Variants in COCH observed in about 807,000 individuals in gnomAD.
COCH encodes coagulation factor C homolog, cochlin (Limulus polyphemus).
COCH carries 40 observed loss-of-function variants against 54.8 expected under a neutral mutation model. The observed-to-expected ratio is 0.73, with a 90% confidence interval of 0.57 to 0.95. The LOEUF (loss-of-function observed/expected upper bound fraction) is 0.95, where lower values mean the gene tolerates loss of function less well. Among genes scored for constraint, COCH ranks in the 40% least tolerant of loss-of-function variants. The probability of loss-of-function intolerance (pLI) is 0.00; values close to 1 mark genes in which losing one functional copy is unlikely to be tolerated. For synonymous variants in COCH, 256 were observed against 237.9 expected (o/e 1.08, Z -0.70); for missense variants, 605 against 675.0 (o/e 0.90, Z 1.15).
At chr14:30,890,969 G>A (rs569184720), downstream of COCH, among the ~76,000 whole-genome samples, 2 of 151,906 alleles carry the variant, frequency 1.3e-5, no homozygotes, top group African/African-American at 4.8e-5. Context: ...AGCCGAGGAG[G>A]TCAAGGCTAC....
rs1430643355 is a variant in COCH, at chr14:30,882,134, T to TTG, written c.629+1401_629+1402insGT. On this transcript the variant is annotated intron_variant, in intron 8 of 11. Transcript: ENST00000396618. Reference sequence around the variant, plus strand: ...ACTATAAAATGGTTTTTTTTTTTTTTTTTTTTTTTTTTTGAGACGGAGTTT... The same window carrying TTG: ...ACTATAAAATGGTTTTTTTTTTTTTTTGTTTTTTTTTTTTTGAGACGGAGTTT... 8.4e-4 allele frequency among the ~76,000 whole-genome samples: 105 copies of TTG among 124,804 alleles called. 1 individual carries two copies. Among genetic ancestry groups the TTG allele is most frequent in the Non-Finnish European group, 1.4e-3 (84 of 60,536 alleles). The allele number at this position is 124,804 out of a possible 152,430, so 81.9% of individuals were successfully genotyped here.
intron 11 of COCH, 44 bp downstream of exon 11, chr14:30,886,356 G>A (rs777097650): frequency 1.2e-6 from 2 of 1,605,716 alleles, no homozygotes; most frequent in South Asian, 2.2e-5. Flanking sequence ...AGAAAAAACG[G>A]TTCAGTGAAT....
chr14:30,875,039 C>G lies in COCH; in HGVS notation c.35-17C>G, dbSNP rs746346038. 3 of 1,612,306 alleles carry G rather than the reference C, an allele frequency of 1.9e-6. No homozygotes were observed. The highest frequency in any genetic ancestry group is 1.7e-6 in the Non-Finnish European group (2 of 1,179,688). ...GGGTGGAGGCTGGAGCCAGCCCTCA[C>G]GCTTCTCTCTTCGCAGGTGTGTGTC... On this transcript the variant is annotated splice_polypyrimidine_tract_variant and intron_variant, in intron 2 of 11. Coordinates refer to ENST00000396618, the MANE Select transcript of COCH (RefSeq NM_004086.3).
rs1473601432 is a variant in COCH, at chr14:30,885,894, T to C, written c.1059T>C (p.His353=). 1.2e-6 allele frequency: 2 copies of C among 1,614,186 alleles called. No individual in the cohort carries two copies. The highest frequency in any genetic ancestry group is 1.7e-6 in the Non-Finnish European group (2 of 1,180,022). ...CTCTGGTACAGAAGCTGTGCACTCA[T>C]GAACAAATGATGTGCAGCAAGACCT... The part of the protein sequence containing the change: ...VKPLVQKLCT[H]EQMMCSKTCY... Residue 353 remains histidine (H), a synonymous_variant, in exon 11 of 12, where the codon CAT becomes CAC. Coordinates refer to ENST00000396618, the MANE Select transcript of COCH (RefSeq NM_004086.3).
At position 30,878,873 on chromosome 14, in the gene COCH, A is replaced by G; in HGVS notation, c.302A>G (p.Tyr101Cys). 1 of 1,614,166 alleles carries G rather than the reference A, an allele frequency of 6.2e-7. No individual in the cohort carries two copies. The highest frequency in any genetic ancestry group is 8.5e-7 in the Non-Finnish European group (1 of 1,180,016). The change falls in exon 5 of 12, where the codon TAT becomes TGT. Residue 101 changes from tyrosine to cysteine, a missense_variant. Tyr to Cys is a radical substitution (Grantham distance 194). Transcript: ENST00000396618. ...RVYSLPGREN[Y>C]SSVDANGIQS... Reference sequence around the variant, plus strand: ...TATAGCCTACCTGGTCGAGAAAACTATTCCTCAGTAGATGCCAATGGCATC... The same window carrying G: ...TATAGCCTACCTGGTCGAGAAAACTGTTCCTCAGTAGATGCCAATGGCATC...
chr14:30,885,776 TTA>T lies in COCH; in HGVS notation c.961-18_961-17del, dbSNP rs1438449675. 5 of 1,613,650 alleles carry T rather than the reference TTA, an allele frequency of 3.1e-6. No homozygotes were observed. Among genetic ancestry groups the T allele is most frequent in the Non-Finnish European group, 3.4e-6 (4 of 1,179,698 alleles). ...AACTTTTGATCCTTTTGGATATCTT[TTA>T]TGTGTCTCCCCCATTAGGCTGTCTG... is the stretch of plus-strand genomic sequence containing the variant. On this transcript the variant is annotated intron_variant, in intron 10 of 11. Transcript: ENST00000396618.
intron 8 of COCH, among the ~76,000 whole-genome samples, chr14:30,883,284 C>T (rs998042511): frequency 3.3e-5 from 5 of 152,116 alleles, no homozygotes; most frequent in Non-Finnish European, 7.4e-5. Context: ...GGCAAATTCC[C>T]CTGCAGTACT....
In COCH at chr14:30,882,120, G is replaced by GTTTTTTTTTTTTTTTTTTTTTTTTTTTT. The variant is rs61175020; in HGVS notation, c.629+1413_629+1414insTTTTTTTTTTTTTTTTTTTTTTTTTTTT. The stretch of plus-strand genomic sequence containing the variant: ...CCCTAGAGATAATCACTATAAAATG[G>GTTTTTTTTTTTTTTTTTTTTTTTTTTTT]TTTTTTTTTTTTTTTTTTTTTTTTT... On this transcript the variant is annotated intron_variant, in intron 8 of 11. Transcript: ENST00000396618. 4.0e-4 allele frequency among the ~76,000 whole-genome samples: 27 copies of GTTTTTTTTTTTTTTTTTTTTTTTTTTTT among 67,914 alleles called. 4 individuals are homozygous for GTTTTTTTTTTTTTTTTTTTTTTTTTTTT. The highest frequency in any genetic ancestry group is 6.4e-4 in the South Asian group (1 of 1,572). The allele number at this position is 67,914 out of a possible 152,430, so 44.6% of individuals were successfully genotyped here. A position where few individuals can be genotyped will look rare whatever the true frequency, so the allele number is the denominator to read the frequency against.
chr14:30,893,268 T>C, downstream of COCH, among the ~76,000 whole-genome samples: 1 of 146,200 alleles, frequency 6.8e-6, no homozygotes, highest in South Asian at 2.2e-4. Context: ...AGCCTCAGCC[T>C]CCCGAGTAGC....
Position 30,877,452 on chromosome 14 carries a change from G to C in COCH, c.83-120G>C. 1.5e-6 allele frequency: 2 copies of C among 1,291,408 alleles called. No individual in the cohort carries two copies. Among genetic ancestry groups the C allele is most frequent in the South Asian group, 1.3e-5 (1 of 77,366 alleles). 80.0% of individuals were successfully genotyped at this position (1,291,408 alleles called of 1,614,324 possible). On this transcript the variant is annotated intron_variant, in intron 3 of 11. Transcript: ENST00000396618. The surrounding 1 kb of genome is among the most constrained non-coding windows in gnomAD (Gnocchi z 8.6). ...GTATGGAAGGGTATATAAGTCAATA[G>C]TCATAACTAGAAGTGTAGAAATTAG...
In COCH at chr14:30,886,835, A is replaced by G. The variant is rs372484209; in HGVS notation, c.1477+523A>G. Among the ~76,000 whole-genome samples, 60 of 152,272 alleles carry G rather than the reference A, an allele frequency of 3.9e-4. No individual in the cohort carries two copies. The South Asian group carries it at 0.012, about 29-fold the overall frequency. ...TGGGCTCAAGCAATCCTCCTGTGTC[A>G]GCCTTCCAAATAGCTAGGACGACAG... On this transcript the variant is annotated intron_variant, in intron 11 of 11. Coordinates refer to ENST00000396618, the MANE Select transcript of COCH (RefSeq NM_004086.3).
intron 1 of COCH, 157 bp downstream of exon 1, chr14:30,874,748 G>T: frequency 1.5e-6 from 1 of 667,826 alleles, no homozygotes; most frequent in Non-Finnish European, 2.6e-6. Flanking sequence ...TCGATTTGCC[G>T]CCGAGGCGCC....
intron 8 of COCH, among the ~76,000 whole-genome samples, chr14:30,882,120 G>GTTTTGTTTTTTTTTTTTTTTTT (rs1895617844): frequency 2.1e-4 from 14 of 67,914 alleles, no homozygotes; most frequent in Middle Eastern, 0.011. Flanking sequence ...CTATAAAATG[G>GTTTTGTTTTTTTTTTTTTTTTT]TTTTTTTTTT....
chr14:30,889,356 A>G (rs1035284421), intron 11 of COCH: 5 of 449,656 alleles, frequency 1.1e-5, no homozygotes, highest in Non-Finnish European at 2.0e-5. Flanking sequence ...GAACTTTATC[A>G]AATTATTTCT....
downstream of COCH, among the ~76,000 whole-genome samples, chr14:30,891,386 G>C (rs947624948): frequency 6.6e-6 from 1 of 152,108 alleles, no homozygotes; most frequent in African/African-American, 2.4e-5. Flanking sequence ...TAACTGGTTA[G>C]AATAATATAC....
chr14:30,884,634 C>T lies in COCH; in HGVS notation c.711C>T (p.Phe237=). ...DVLFAIKEVG[F]RGGNSNTGKA... is the part of the protein sequence containing the mutation. Reference sequence around the variant, plus strand: ...TGTTTGCCATAAAGGAAGTAGGTTTCAGAGGGGGTAATTCCAATACAGGTA... The same window carrying T: ...TGTTTGCCATAAAGGAAGTAGGTTTTAGAGGGGGTAATTCCAATACAGGTA... Residue 237 remains phenylalanine, a synonymous_variant, in exon 9 of 12, where the codon TTC becomes TTT. Transcript: ENST00000396618. 2 of 1,612,714 alleles carry T rather than the reference C, an allele frequency of 1.2e-6. No homozygotes were observed. Among genetic ancestry groups the T allele is most frequent in the Non-Finnish European group, 1.7e-6 (2 of 1,178,900 alleles).
chr14:30,878,817 A>G lies in COCH; in HGVS notation c.246A>G (p.Val82=), dbSNP rs779756178. The part of the protein sequence containing the change: ...SICGAAVHRG[V]ISNSGGPVRV... ...TGCTATTCTTGTGTTACAGGGGAGT[A>G]ATCAGCAACTCAGGGGGACCTGTAC... Residue 82 remains valine (V), a synonymous_variant, in exon 5 of 12, where the codon GTA becomes GTG. Coordinates refer to ENST00000396618, the MANE Select transcript of COCH (RefSeq NM_004086.3). 1.2e-6 allele frequency: 2 copies of G among 1,614,186 alleles called. No homozygotes were observed. The highest frequency in any genetic ancestry group is 1.7e-6 in the Non-Finnish European group (2 of 1,180,032).
intron 5 of COCH, 63 bp downstream of exon 5, chr14:30,879,007 T>C (rs1304798938): frequency 3.1e-6 from 5 of 1,597,512 alleles, no homozygotes; most frequent in Non-Finnish European, 3.4e-6. Flanking sequence ...TTTCTGCTTT[T>C]TTTAGCTCAG....
chr14:30,892,862 T>C (rs529948372), downstream of COCH, among the ~76,000 whole-genome samples: 3 of 151,682 alleles, frequency 2.0e-5, no homozygotes, highest in African/African-American at 7.2e-5. Context: ...CGTCAATGAC[T>C]AAAATTGCCA....
Sources: allele counts gnomAD v4.1 joint callset (sites outside exome capture counted in the v4.1 genomes callset), GRCh38; gene constraint gnomAD v4.1.1; non-coding constraint Gnocchi (gnomAD v3.1); transcripts MANE v1.5; gene names NCBI Gene and HGNC (gene_info 2026-07-23, HGNC 2026-07-21).